Variants in EIF3H observed in about 807,000 individuals in gnomAD.
EIF3H encodes eukaryotic translation initiation factor 3 subunit H, also known as eIF-3-gamma.
EIF3H carries 26 observed loss-of-function variants against 44.2 expected under a neutral mutation model. That is an observed-to-expected ratio of 0.59 (90% confidence interval 0.43 to 0.82). The LOEUF (loss-of-function observed/expected upper bound fraction) is 0.82. EIF3H is among the 40% of genes least tolerant of loss of function. The pLI, the probability that EIF3H is intolerant of heterozygous loss-of-function variation, is 0.00. For missense variants in EIF3H, 359 were observed against 432.8 expected (o/e 0.83, Z 1.51); for synonymous variants, 166 against 151.9 (o/e 1.09, Z -0.68).
chr8:116,661,782 C>A (rs1344806785), intron 2 of EIF3H, among the ~76,000 whole-genome samples: 1 of 152,196 alleles, frequency 6.6e-6, no homozygotes, highest in Non-Finnish European at 1.5e-5. Context: ...CCATAGCAAA[C>A]TTCCAAATTT....
At chr8:116,708,633 TA>T (rs1814512171) in intron 2 of EIF3H, among the ~76,000 whole-genome samples, 1 of 152,112 alleles carries the variant, frequency 6.6e-6, no homozygotes, top group African/African-American at 2.4e-5. Context: ...ATGGGTAAAG[TA>T]GTTAAAAATC....
chr8:116,706,941 G>C (rs573096320), intron 2 of EIF3H, among the ~76,000 whole-genome samples: 1 of 152,308 alleles, frequency 6.6e-6, no homozygotes, highest in South Asian at 2.1e-4. Context: ...GACAGGCTAA[G>C]CTATGACGTT....
chr8:116,685,341 A>C (rs1814058406), intron 2 of EIF3H, among the ~76,000 whole-genome samples: 1 of 152,198 alleles, frequency 6.6e-6, no homozygotes, highest in Non-Finnish European at 1.5e-5. Flanking sequence ...ATAAGAAAGA[A>C]CTAGGTAGCA....
chr8:116,740,612 C>T (rs1460489800), intron 1 of EIF3H, among the ~76,000 whole-genome samples: 1 of 152,076 alleles, frequency 6.6e-6, no homozygotes, highest in Non-Finnish European at 1.5e-5. Flanking sequence ...CCTCTCACTG[C>T]TGTCTTCTAC....
At chr8:116,751,992 A>G (rs932909162) in intron 1 of EIF3H, among the ~76,000 whole-genome samples, 1 of 152,172 alleles carries the variant, frequency 6.6e-6, no homozygotes, top group Middle Eastern at 3.2e-3. Flanking sequence ...AGCAGAGACT[A>G]AAAGAAAAGC....
chr8:116,689,051 CA>C, intron 2 of EIF3H: 1 of 432,152 alleles, frequency 2.3e-6, no homozygotes, highest in Non-Finnish European at 4.6e-6. Flanking sequence ...AGATGAATAA[CA>C]AAAACGTATT....
intron 6 of EIF3H, among the ~76,000 whole-genome samples, chr8:116,647,821 G>A (rs1813329278): frequency 2.0e-5 from 3 of 152,080 alleles, no homozygotes; most frequent in South Asian, 4.1e-4. Context: ...CCCTGGATGA[G>A]TCCTTCACCT....
exon 1 of EIF3H, chr8:116,766,008 G>T (rs903979162): frequency 2.6e-5 from 4 of 152,260 alleles, no homozygotes; most frequent in African/African-American, 9.6e-5. Flanking sequence ...CTGGGTTCCA[G>T]ACACTAACAA....
chr8:116,725,459 A>G (rs1014241615), intron 2 of EIF3H, among the ~76,000 whole-genome samples: 4 of 152,220 alleles, frequency 2.6e-5, no homozygotes, highest in African/African-American at 9.6e-5. Flanking sequence ...CAAACAAGTG[A>G]GAAGTTATTT....
rs772369023 is a variant in EIF3H, at chr8:116,642,567, G to GT, written c.*2438dup. 2.0e-5 allele frequency: 3 copies of GT among 152,072 alleles called. No individual in the cohort carries two copies. The highest frequency in any genetic ancestry group is 2.9e-5 in the Non-Finnish European group (2 of 68,006). The allele number at this position is 152,072 out of a possible 1,614,324, so 9.4% of individuals were successfully genotyped here. A position where few individuals can be genotyped will look rare whatever the true frequency, so the allele number is the denominator to read the frequency against. Reference sequence around the variant, plus strand: ...ATGTCAAATATCTTCTACTTTCTTGGTTTTTTAACATTCGATTTTTTCATT... The same window carrying GT: ...ATGTCAAATATCTTCTACTTTCTTGGTTTTTTTAACATTCGATTTTTTCATT... On this transcript the variant is annotated 3_prime_UTR_variant, in exon 8 of 8. Transcript: ENST00000521861.
At chr8:116,673,676 C>A in intron 2 of EIF3H, among the ~76,000 whole-genome samples, 1 of 152,122 alleles carries the variant, frequency 6.6e-6, no homozygotes, top group Non-Finnish European at 1.5e-5. Flanking sequence ...TCGTCTCTAA[C>A]TTCGAAGATT....
intron 1 of EIF3H, among the ~76,000 whole-genome samples, chr8:116,729,669 C>G (rs935220478): frequency 1.8e-4 from 27 of 152,126 alleles, no homozygotes; most frequent in African/African-American, 6.5e-4. Context: ...AAAAAACAAT[C>G]AGTATGAGTA....
chr8:116,713,982 G>T (rs1006746220), intron 2 of EIF3H, among the ~76,000 whole-genome samples: 1 of 151,874 alleles, frequency 6.6e-6, no homozygotes. Flanking sequence ...TATGGGCCCC[G>T]AGGTTCTATA....
At chr8:116,760,297 C>T (rs1815506084), upstream of EIF3H, among the ~76,000 whole-genome samples, 1 of 152,194 alleles carries the variant, frequency 6.6e-6, no homozygotes, top group South Asian at 2.1e-4. Context: ...GAAAAAAGAT[C>T]TTGCTCATTA....
chr8:116,692,729 T>C (rs1354794759), intron 2 of EIF3H, among the ~76,000 whole-genome samples: 3 of 152,204 alleles, frequency 2.0e-5, no homozygotes, highest in Non-Finnish European at 4.4e-5. Flanking sequence ...TAAAAGACTG[T>C]ATTCGTAATG....
chr8:116,698,931 G>C (rs1161436446), intron 2 of EIF3H, among the ~76,000 whole-genome samples: 5 of 152,062 alleles, frequency 3.3e-5, no homozygotes, highest in African/African-American at 1.2e-4. Flanking sequence ...GCAGATCTTT[G>C]AGCTCAGGAG....
chr8:116,750,009 G>A (rs1473469266), intron 1 of EIF3H, among the ~76,000 whole-genome samples: 12 of 152,298 alleles, frequency 7.9e-5, no homozygotes, highest in African/African-American at 2.4e-4. Context: ...AACATAGGAT[G>A]AGATTAATCT....
chr8:116,749,274 T>C (rs1326091360), intron 1 of EIF3H, among the ~76,000 whole-genome samples: 1 of 152,172 alleles, frequency 6.6e-6, no homozygotes, highest in Admixed American at 6.5e-5. Context: ...ATGGATCACA[T>C]ACCAAGGTGA....
At chr8:116,757,108 A>G (rs1012664724), upstream of EIF3H, among the ~76,000 whole-genome samples, 2 of 152,256 alleles carry the variant, frequency 1.3e-5, no homozygotes, top group African/African-American at 4.8e-5. Flanking sequence ...CAGTAAAACT[A>G]CAAAGTAAAG....
Sources: allele counts gnomAD v4.1 joint callset (sites outside exome capture counted in the v4.1 genomes callset), GRCh38; gene constraint gnomAD v4.1.1; transcripts MANE v1.5; gene names NCBI Gene and HGNC (gene_info 2026-07-23, HGNC 2026-07-21).